The following BBS9 variants were observed in gnomAD, a reference collection of about 807,000 sequenced individuals.
BBS9 encodes protein PTHB1.
A neutral mutation model predicts 117.7 loss-of-function variants in BBS9; 89 were observed. The ratio of observed to expected loss-of-function variants is 0.76; its 90% CI spans 0.64 to 0.90. The LOEUF (loss-of-function observed/expected upper bound fraction) is 0.90, where lower values mean the gene tolerates loss of function less well. Ranked by LOEUF, BBS9 falls within the 40% of genes least tolerant of loss-of-function variation. The pLI is 0.00. For synonymous variants in BBS9, 379 were observed against 370.9 expected (o/e 1.02, Z -0.25); for missense variants, 982 against 1,042.2 (o/e 0.94, Z 0.80).
chr7:33,574,765 A>G (rs1449338122), intron 21 of BBS9, among the ~76,000 whole-genome samples: 1 of 151,602 alleles, frequency 6.6e-6, no homozygotes, highest in East Asian at 1.9e-4. Flanking sequence ...TTTATTTTAT[A>G]TAGGTTATGT....
At chr7:33,276,799 A>G (rs558249772) in intron 9 of BBS9, 2 of 152,728 alleles carry the variant, frequency 1.3e-5, no homozygotes, top group Non-Finnish European at 2.9e-5. Context: ...TGAGGAAGAT[A>G]CTTCCTTGCC....
chr7:33,614,338 T>G (rs767464080), intron 21 of BBS9, among the ~76,000 whole-genome samples: 5 of 152,090 alleles, frequency 3.3e-5, no homozygotes, highest in Non-Finnish European at 5.9e-5. Flanking sequence ...GACATTTGCC[T>G]TATGGTTCCC....
chr7:33,187,268 T>C (rs947551833), intron 5 of BBS9, among the ~76,000 whole-genome samples: 1 of 152,248 alleles, frequency 6.6e-6, no homozygotes, highest in Non-Finnish European at 1.5e-5. Context: ...GTCTATGTAG[T>C]ATCAAGATAT....
intron 5 of BBS9, among the ~76,000 whole-genome samples, chr7:33,210,079 G>A (rs117548421): frequency 0.016 from 2,426 of 152,036 alleles, 24 homozygotes; most frequent in South Asian, 0.041. Flanking sequence ...CATAGGTTTC[G>A]GTACATTATG....
chr7:33,223,086 T>G (rs910480282), intron 5 of BBS9, among the ~76,000 whole-genome samples: 2 of 151,864 alleles, frequency 1.3e-5, no homozygotes, highest in Non-Finnish European at 2.9e-5. Context: ...CTTAACACAA[T>G]ACATTAAAAA....
rs762333157 is a variant in BBS9, at chr7:33,427,695, AATC to A, written c.2115+39554_2115+39556del. Among the ~76,000 whole-genome samples the A allele has an allele frequency of 4.6e-5, 7 of 152,298 alleles. No homozygotes were observed. The East Asian group carries it at 1.4e-3, about 29-fold the overall frequency. ...GCAGTTTACACGGGTTTTCTGATGTAATCATTCATATTATTCAGGATTTTGGTA... is the reference window on the plus strand; with the variant it reads ...GCAGTTTACACGGGTTTTCTGATGTAATTCATATTATTCAGGATTTTGGTA... On this transcript the variant is annotated intron_variant, in intron 19 of 22. Transcript: ENST00000242067.
chr7:33,162,184 C>T (rs1794964210), intron 4 of BBS9, among the ~76,000 whole-genome samples: 1 of 152,074 alleles, frequency 6.6e-6, no homozygotes, highest in Non-Finnish European at 1.5e-5. Flanking sequence ...GGTTTTAGGT[C>T]TAACATTTAA....
chr7:33,341,011 G>A (rs1168810958), intron 11 of BBS9, 38 bp downstream of exon 11: 14 of 1,565,386 alleles, frequency 8.9e-6, no homozygotes, highest in East Asian at 2.2e-5. Context: ...GTTTATAAGA[G>A]TGGTAAACTC....
chr7:33,519,670 A>C (rs1239530449), intron 20 of BBS9, among the ~76,000 whole-genome samples: 3 of 152,184 alleles, frequency 2.0e-5, no homozygotes, highest in African/African-American at 7.2e-5. Context: ...GGTTCTGCGA[A>C]TATGTTAATT....
At chr7:33,529,843 T>G (rs948965409) in intron 20 of BBS9, among the ~76,000 whole-genome samples, 1 of 152,214 alleles carries the variant, frequency 6.6e-6, no homozygotes, top group African/African-American at 2.4e-5. Context: ...ACAAAAATAC[T>G]AGTATGATTG....
chr7:33,399,088 TG>T (rs913583262), intron 19 of BBS9, among the ~76,000 whole-genome samples: 1 of 152,240 alleles, frequency 6.6e-6, no homozygotes, highest in African/African-American at 2.4e-5. Flanking sequence ...TTCAAAAATC[TG>T]GTTTATTTTA....
intron 19 of BBS9, among the ~76,000 whole-genome samples, chr7:33,411,998 G>A (rs1831224207): frequency 6.6e-6 from 1 of 152,032 alleles, no homozygotes; most frequent in Non-Finnish European, 1.5e-5. Flanking sequence ...AAATAAAATG[G>A]TGCTTAAGTG....
At chr7:33,634,105 G>A (rs1262048958) in intron 21 of BBS9, among the ~76,000 whole-genome samples, 1 of 152,180 alleles carries the variant, frequency 6.6e-6, no homozygotes, top group Non-Finnish European at 1.5e-5. Flanking sequence ...CCTCACGCAG[G>A]CCCGTCTCCC....
At chr7:33,313,892 A>G (rs1359054402) in intron 9 of BBS9, among the ~76,000 whole-genome samples, 2 of 152,218 alleles carry the variant, frequency 1.3e-5, no homozygotes, top group East Asian at 3.8e-4. Context: ...AGCATGGCAT[A>G]GAGAGCAAAA....
rs147877238 is a variant in BBS9, at chr7:33,498,872, A to G, written c.2116-6591A>G. 3.0e-3 allele frequency among the ~76,000 whole-genome samples: 450 copies of G among 152,254 alleles called. 4 individuals are homozygous for G. The highest frequency in any genetic ancestry group is 6.8e-3 in the Middle Eastern group (2 of 294). Reference sequence around the variant, plus strand: ...ATATATTTTCATTTCTCTTGGGTGTATACCTAGAAGTGGAATTTCTAGGTC... The same window carrying G: ...ATATATTTTCATTTCTCTTGGGTGTGTACCTAGAAGTGGAATTTCTAGGTC... On this transcript the variant is annotated intron_variant, in intron 19 of 22. Coordinates refer to ENST00000242067, the MANE Select transcript of BBS9 (RefSeq NM_198428.3).
At chr7:33,587,962 T>TAA (rs1861219856) in intron 21 of BBS9, among the ~76,000 whole-genome samples, 1 of 152,096 alleles carries the variant, frequency 6.6e-6, no homozygotes, top group African/African-American at 2.4e-5. Context: ...CCAGTGGATA[T>TAA]AACATGGATC....
Position 33,350,937 on chromosome 7 carries a change from G to A in BBS9, c.1433-282G>A, listed in dbSNP as rs117673131. Among the ~76,000 whole-genome samples the A allele has an allele frequency of 8.9e-4, 135 of 152,176 alleles. 1 individual carries two copies. The East Asian group carries it at 0.024, about 27-fold the overall frequency. On this transcript the variant is annotated intron_variant, in intron 13 of 22. Transcript: ENST00000242067. ...TTGAACTTCTGGCCTCACGTGATCC[G>A]CCCACCTAGGCCTCCCAAAGTGTTG...
Position 33,587,905 on chromosome 7 carries a change from G to T in BBS9, c.2522-16960G>T, listed in dbSNP as rs1249286031. Reference sequence around the variant, plus strand: ...TGCTTTTAAAAACACGTTTAGATTTGAAGTAGCCTGGGAAAAATAAACTGT... The same window carrying T: ...TGCTTTTAAAAACACGTTTAGATTTTAAGTAGCCTGGGAAAAATAAACTGT... On this transcript the variant is annotated intron_variant, in intron 21 of 22. Transcript: ENST00000242067. Among the ~76,000 whole-genome samples the T allele has an allele frequency of 2.0e-5, 3 of 152,126 alleles. No homozygotes were observed. In the East Asian group the frequency reaches 5.8e-4, roughly 30 times the overall value.
chr7:33,360,859 A>G (rs1820493030), intron 16 of BBS9, among the ~76,000 whole-genome samples: 1 of 152,146 alleles, frequency 6.6e-6, no homozygotes, highest in South Asian at 2.1e-4. Flanking sequence ...AGAGGAATCC[A>G]GAAGTGGGCA....
Sources: gnomAD v4.1 joint callset for allele counts (sites outside exome capture counted in the v4.1 genomes callset) on GRCh38, gnomAD v4.1.1 for gene constraint, MANE v1.5 for transcripts, NCBI Gene and HGNC (gene_info 2026-07-23, HGNC 2026-07-21) for gene names.